JAML: variants seen among roughly 807,000 people sequenced by gnomAD.
JAML encodes junctional adhesion molecule-like.
In JAML, 25 loss-of-function variants were observed where a neutral mutation model predicts 39.3. The observed-to-expected ratio is 0.64, with a 90% CI of 0.46 to 0.89. The LOEUF (loss-of-function observed/expected upper bound fraction) is 0.89, where lower values mean the gene tolerates loss of function less well. Among genes scored for constraint, JAML ranks in the 40% least tolerant of loss-of-function variants. The pLI is 0.00. For missense variants in JAML, 440 were observed against 486.9 expected (o/e 0.90, Z 0.91); for synonymous variants, 162 against 179.2 (o/e 0.90, Z 0.77).
intron 1 of JAML, among the ~76,000 whole-genome samples, chr11:118,217,492 C>A (rs1481156363): frequency 6.6e-6 from 1 of 152,162 alleles, no homozygotes; most frequent in Non-Finnish European, 1.5e-5. Flanking sequence ...ATGATTTTAG[C>A]GGAAAAATTA....
At chr11:118,199,755 G>A (rs1948738715) in intron 7 of JAML, among the ~76,000 whole-genome samples, 1 of 147,512 alleles carries the variant, frequency 6.8e-6, no homozygotes, top group Admixed American at 6.8e-5. Context: ...GGAGTGCAGT[G>A]GCGTGATCTC....
Position 118,196,815 on chromosome 11 carries a change from T to C in JAML, c.1012A>G (p.Ile338Val). 8 of 1,610,504 alleles carry C rather than the reference T, an allele frequency of 5.0e-6. No homozygotes were observed. Among genetic ancestry groups the C allele is most frequent in the Non-Finnish European group, 5.9e-6 (7 of 1,176,820 alleles). Residue 338 changes from isoleucine (I) to valine (V), a missense_variant, in exon 9 of 10, where the codon ATT (isoleucine) becomes GTT (valine). Ile to Val is a conservative substitution (Grantham distance 29). Coordinates refer to ENST00000356289, the MANE Select transcript of JAML (RefSeq NM_001098526.2). The part of the protein sequence containing the change: ...HFERCEGEKH[I>V]YSPIIVREVI... The stretch of plus-strand genomic sequence containing the variant: ...TCCCGTACAATTATTGGGGAGTAAA[T>C]GTGTTTCTAGAGGGGGAAAATGGTA...
Position 118,198,077 on chromosome 11 carries a change from G to A in JAML, c.926C>T (p.Thr309Ile). 1 of 1,613,970 alleles carries A rather than the reference G, an allele frequency of 6.2e-7. No individual in the cohort carries two copies. Among genetic ancestry groups the A allele is most frequent in the Non-Finnish European group, 8.5e-7 (1 of 1,179,838 alleles). ...CTTCTTCGTGTTCTTCACCAAGACT[G>A]TAGAATTCACTGAACTGCAAGACAT... ...TCGNKSSVNS[T>I]VLVKNTKKTN... is the part of the protein sequence containing the mutation. Residue 309 changes from threonine (T) to isoleucine (I), a missense_variant, in exon 8 of 10, where the codon ACA (threonine) becomes ATA (isoleucine). Thr to Ile is a moderately conservative substitution (Grantham distance 89). Coordinates refer to ENST00000356289, the MANE Select transcript of JAML (RefSeq NM_001098526.2).
chr11:118,213,109 A>G, intron 2 of JAML: 1 of 1,468,764 alleles, frequency 6.8e-7, no homozygotes, highest in South Asian at 1.4e-5. Context: ...CTGCATTTCC[A>G]CTGTGTTTAT....
intron 1 of JAML, among the ~76,000 whole-genome samples, chr11:118,220,840 C>T (rs1318334791): frequency 2.0e-5 from 3 of 152,362 alleles, no homozygotes; most frequent in Admixed American, 6.5e-5. Context: ...CCCTCTGCCA[C>T]AAGCTCAGCT....
At chr11:118,194,787 A>G (rs1591453615) in intron 9 of JAML, among the ~76,000 whole-genome samples, 1 of 152,190 alleles carries the variant, frequency 6.6e-6, no homozygotes, top group African/African-American at 2.4e-5. Context: ...AACAACAAAA[A>G]ACAAAGGCTC....
intron 1 of JAML, among the ~76,000 whole-genome samples, chr11:118,216,186 A>G (rs910846018): frequency 2.6e-5 from 4 of 152,064 alleles, no homozygotes; most frequent in African/African-American, 9.7e-5. Context: ...CCTGGCTAAC[A>G]CGGTGAAACC....
Position 118,210,585 on chromosome 11 carries a change from G to A in JAML, c.326C>T (p.Ala109Val), listed in dbSNP as rs140630710. The A allele has an allele frequency of 2.1e-5, 34 of 1,614,106 alleles. No individual in the cohort carries two copies. In the African/African-American group the frequency reaches 3.9e-4, roughly 18 times the overall value. The change falls in exon 4 of 10, where the codon GCT becomes GTT. Residue 109 changes from alanine to valine, a missense_variant. By Grantham distance (64) the Ala-to-Val change is moderately conservative. Coordinates refer to ENST00000356289, the MANE Select transcript of JAML (RefSeq NM_001098526.2). The part of the protein sequence containing the change: ...GSLLLQDVQE[A>V]DQGTYICEIR... ...TTCACAGATATAGGTTCCCTGGTCAGCCTCTTGCACATCTTGGAGCAGGAG... is the reference window on the plus strand; with the variant it reads ...TTCACAGATATAGGTTCCCTGGTCAACCTCTTGCACATCTTGGAGCAGGAG...
intron 2 of JAML, chr11:118,213,356 T>C (rs1422580256): frequency 2.0e-6 from 2 of 998,672 alleles, no homozygotes; most frequent in Middle Eastern, 5.1e-4. Flanking sequence ...AAGAGCCAAG[T>C]GATGGGAATG....
At chr11:118,196,132 CT>C (rs748213507) in intron 9 of JAML, among the ~76,000 whole-genome samples, 418 of 131,848 alleles carry the variant, frequency 3.2e-3, no homozygotes, top group Middle Eastern at 4.9e-3. Flanking sequence ...CATGCTCGGC[CT>C]TTTTTTTTTT....
intron 7 of JAML, among the ~76,000 whole-genome samples, chr11:118,200,122 G>A (rs927226836): frequency 5.9e-5 from 9 of 152,098 alleles, no homozygotes; most frequent in South Asian, 4.1e-4. Context: ...GCTTCTATGC[G>A]GAACGTACAG....
At chr11:118,215,626 C>T (rs1426859975) in intron 1 of JAML, among the ~76,000 whole-genome samples, 2 of 151,864 alleles carry the variant, frequency 1.3e-5, no homozygotes, top group African/African-American at 4.8e-5. Context: ...GGATTACAGG[C>T]GTGGGCCACT....
intron 1 of JAML, among the ~76,000 whole-genome samples, chr11:118,217,578 C>T (rs971086192): frequency 6.6e-6 from 1 of 152,156 alleles, no homozygotes; most frequent in African/African-American, 2.4e-5. Context: ...GGAAAATCAC[C>T]GGGCCTTGTT....
intron 1 of JAML, among the ~76,000 whole-genome samples, chr11:118,220,869 C>T (rs535674821): frequency 2.8e-3 from 429 of 152,306 alleles, no homozygotes; most frequent in Non-Finnish European, 4.7e-3. Flanking sequence ...TGGGACTGTC[C>T]TGAGGGCTGA....
intron 1 of JAML, 37 bp from the exon 2 acceptor site, chr11:118,214,923 A>AAG: frequency 3.8e-6 from 6 of 1,579,528 alleles, no homozygotes; most frequent in Non-Finnish European, 5.2e-6. Flanking sequence ...AAATCATGTC[A>AAG]AGAGAAGCTC....
chr11:118,203,599 G>A lies in JAML; in HGVS notation c.601C>T (p.His201Tyr). 1 of 1,614,152 alleles carries A rather than the reference G, an allele frequency of 6.2e-7. No individual in the cohort carries two copies. Among genetic ancestry groups the A allele is most frequent in the Non-Finnish European group, 8.5e-7 (1 of 1,180,024 alleles). Residue 201 changes from histidine to tyrosine, a missense_variant, in exon 6 of 10, where the codon CAC becomes TAC. Coordinates refer to ENST00000356289, the MANE Select transcript of JAML (RefSeq NM_001098526.2). ...MSVEYSQSWGHFQNRVNLVGD... is the reference protein window; with the variant it reads ...MSVEYSQSWGYFQNRVNLVGD... ...ACCAGGTTCACACGATTCTGGAAGT[G>A]GCCCCAGCTCTGGGAGTACTCCACA...
chr11:118,198,453 C>A (rs1277398860), intron 7 of JAML, among the ~76,000 whole-genome samples: 3 of 152,102 alleles, frequency 2.0e-5, no homozygotes, highest in Non-Finnish European at 4.4e-5. Flanking sequence ...CCAGGGAGTG[C>A]CGCGAAACCA....
At chr11:118,199,939 G>A (rs376671438) in intron 7 of JAML, among the ~76,000 whole-genome samples, 38 of 152,022 alleles carry the variant, frequency 2.5e-4, no homozygotes, top group African/African-American at 7.2e-4. Context: ...CTCGTGATCC[G>A]CCCGCCTTGG....
intron 1 of JAML, among the ~76,000 whole-genome samples, chr11:118,219,057 A>C (rs996612423): frequency 3.3e-5 from 5 of 151,384 alleles, no homozygotes; most frequent in Middle Eastern, 3.4e-3. Flanking sequence ...GGTTATAACT[A>C]TCAGGATCTT....
Sources: gnomAD v4.1 joint callset for allele counts (sites outside exome capture counted in the v4.1 genomes callset) on GRCh38, gnomAD v4.1.1 for gene constraint, MANE v1.5 for transcripts, NCBI Gene and HGNC (gene_info 2026-07-23, HGNC 2026-07-21) for gene names.